TECTB: variants seen among roughly 807,000 people sequenced by gnomAD.
TECTB encodes beta-tectorin.
Under a neutral mutation model 43.3 loss-of-function variants are expected in TECTB, and 45 were observed. That is an observed-to-expected ratio of 1.04 (90% CI 0.82 to 1.33). The LOEUF is 1.33. Ranked by LOEUF, TECTB falls within the 40% of genes most tolerant of loss-of-function variation. The pLI is 0.00. For missense variants in TECTB, 399 were observed against 404.7 expected, an observed-to-expected ratio of 0.99 and a Z score of 0.12; for synonymous variants, 169 against 156.7, an observed-to-expected ratio of 1.08 and a Z score of -0.59.
rs937761371 is a variant in TECTB, at chr10:112,303,384, T to G, written c.*72T>G. The stretch of plus-strand genomic sequence containing the variant: ...CGAATGACAAACACATTTATTGTGC[T>G]GCCAAAAAGAACAAACAGAAGACCA... On this transcript the variant is annotated 3_prime_UTR_variant, in exon 11 of 11. Coordinates refer to ENST00000646139, the MANE Select transcript of TECTB (RefSeq NM_058222.3). 3 of 1,583,910 alleles carry G rather than the reference T, an allele frequency of 1.9e-6. No homozygotes were observed. In the African/African-American group the frequency reaches 4.0e-5, roughly 21 times the overall value.
intron 5 of TECTB, among the ~76,000 whole-genome samples, chr10:112,287,542 A>G (rs1848464860): frequency 6.6e-6 from 1 of 152,252 alleles, no homozygotes; most frequent in Non-Finnish European, 1.5e-5. Flanking sequence ...GAAACATCGT[A>G]CTACCTCTAA....
chr10:112,293,612 TG>T, intron 5 of TECTB, 125 bp from the exon 6 acceptor site: 1 of 760,858 alleles, frequency 1.3e-6, no homozygotes, highest in South Asian at 1.6e-5. Context: ...GATCACTCTA[TG>T]GTCTCACCTG....
chr10:112,303,366 C>T lies in TECTB; in HGVS notation c.*54C>T, dbSNP rs906223559. 8 of 1,603,592 alleles carry T rather than the reference C, an allele frequency of 5.0e-6. 1 individual carries two copies. In the South Asian group the frequency reaches 8.8e-5, roughly 18 times the overall value. On this transcript the variant is annotated 3_prime_UTR_variant, in exon 11 of 11. Transcript: ENST00000646139. ...ACCCACAATAGTCCTCAGCGAATGA[C>T]AAACACATTTATTGTGCTGCCAAAA...
intron 5 of TECTB, among the ~76,000 whole-genome samples, chr10:112,287,255 T>C (rs1302499488): frequency 6.6e-6 from 1 of 152,200 alleles, no homozygotes; most frequent in African/African-American, 2.4e-5. Context: ...GCTGCCCATG[T>C]TGACATAGAA....
intron 5 of TECTB, among the ~76,000 whole-genome samples, chr10:112,286,826 G>T (rs753429563): frequency 6.6e-6 from 1 of 152,204 alleles, no homozygotes; most frequent in Non-Finnish European, 1.5e-5. Flanking sequence ...GGAGGCTGCA[G>T]CAGAAGAATT....
chr10:112,299,089 T>A (rs1171286121), intron 8 of TECTB, among the ~76,000 whole-genome samples: 1 of 152,084 alleles, frequency 6.6e-6, no homozygotes, highest in Non-Finnish European at 1.5e-5. Flanking sequence ...AGGATAAGTA[T>A]CAATGCCATA....
chr10:112,298,213 G>GA lies in TECTB; in HGVS notation c.819dup (p.Leu274ThrfsTer9), dbSNP rs1461911220. ...GTGAGACGTTCATCTGCGACAGTGA[G>GA]AAACTCTCCTGCCCAGTGGTGAGCT... is the stretch of plus-strand genomic sequence containing the variant. On this transcript the variant is annotated frameshift_variant, in exon 8 of 11. Coordinates refer to ENST00000646139, the MANE Select transcript of TECTB (RefSeq NM_058222.3). LOFTEE classifies it high-confidence loss of function. 4 of 1,614,034 alleles carry GA rather than the reference G, an allele frequency of 2.5e-6. No individual in the cohort carries two copies. The East Asian group carries it at 8.9e-5, about 36-fold the overall frequency.
At position 112,286,117 on chromosome 10, in the gene TECTB, A is replaced by C. The variant is rs1340701576; in HGVS notation, c.314A>C (p.Asp105Ala). 6.2e-7 allele frequency: 1 copy of C among 1,614,024 alleles called. No homozygotes were observed. The highest frequency in any genetic ancestry group is 8.5e-7 in the Non-Finnish European group (1 of 1,179,982). ...TTCTACAGTCACATCGTTTCCAATGACACCACAGTGATTGTAAAAAACCAG... is the reference window on the plus strand; with the variant it reads ...TTCTACAGTCACATCGTTTCCAATGCCACCACAGTGATTGTAAAAAACCAG... The part of the protein sequence containing the change: ...YHFYSHIVSN[D>A]TTVIVKNQPV... Residue 105 changes from aspartate to alanine, a missense_variant, in exon 4 of 11, where the codon GAC (aspartate) becomes GCC (alanine). Coordinates refer to ENST00000646139, the MANE Select transcript of TECTB (RefSeq NM_058222.3).
At chr10:112,299,348 A>G in intron 8 of TECTB, 144 bp from the exon 9 acceptor site, 1 of 677,416 alleles carries the variant, frequency 1.5e-6, no homozygotes, top group South Asian at 1.9e-5. Flanking sequence ...TTAAAAAGGT[A>G]ACTCATCTCT....
chr10:112,287,850 G>T (rs1848467471), intron 5 of TECTB, among the ~76,000 whole-genome samples: 1 of 152,186 alleles, frequency 6.6e-6, no homozygotes, highest in African/African-American at 2.4e-5. Flanking sequence ...ATTGAAAAAT[G>T]TGATTCTTTT....
At chr10:112,289,046 T>C (rs1435250105) in intron 5 of TECTB, among the ~76,000 whole-genome samples, 1 of 152,202 alleles carries the variant, frequency 6.6e-6, no homozygotes, top group Non-Finnish European at 1.5e-5. Context: ...TGGGCTTCTA[T>C]CTCTGCATTT....
chr10:112,289,244 T>C (rs996467910), intron 5 of TECTB, among the ~76,000 whole-genome samples: 1 of 152,240 alleles, frequency 6.6e-6, no homozygotes, highest in African/African-American at 2.4e-5. Flanking sequence ...TTGTTAACTT[T>C]ATAAGGCTGA....
intron 8 of TECTB, among the ~76,000 whole-genome samples, chr10:112,298,438 C>G (rs1279171901): frequency 2.0e-5 from 3 of 152,230 alleles, no homozygotes; most frequent in African/African-American, 7.2e-5. Flanking sequence ...CCCACATGGT[C>G]TGGCATGTGT....
chr10:112,301,196 G>A (rs553514412), intron 9 of TECTB, among the ~76,000 whole-genome samples: 1 of 152,202 alleles, frequency 6.6e-6, no homozygotes, highest in African/African-American at 2.4e-5. Flanking sequence ...GCCAAGGCGG[G>A]CAGATCACCT....
chr10:112,296,399 T>C (rs1016344531), intron 7 of TECTB, among the ~76,000 whole-genome samples: 6 of 152,152 alleles, frequency 3.9e-5, no homozygotes, highest in Non-Finnish European at 1.5e-5. Flanking sequence ...GAAGCAGCAG[T>C]GCCAAGGCAT....
intron 5 of TECTB, among the ~76,000 whole-genome samples, chr10:112,288,282 A>G (rs568799871): frequency 1.3e-5 from 2 of 152,208 alleles, no homozygotes; most frequent in Non-Finnish European, 2.9e-5. Flanking sequence ...CGTAGAGCTG[A>G]GCTTCAGGCA....
At chr10:112,292,791 C>T (rs75279365) in intron 5 of TECTB, among the ~76,000 whole-genome samples, 6,279 of 152,168 alleles carry the variant, frequency 0.041, 191 homozygotes, top group Non-Finnish European at 0.063. Context: ...AACCTCACCC[C>T]CACCCCGCTC....
chr10:112,293,555 T>A (rs1848518135), intron 5 of TECTB, among the ~76,000 whole-genome samples, 183 bp from the exon 6 acceptor site: 1 of 152,236 alleles, frequency 6.6e-6, no homozygotes, highest in South Asian at 2.1e-4. Flanking sequence ...TCATCCCTTC[T>A]AAGATGGCAT....
chr10:112,292,990 C>G (rs1013747460), intron 5 of TECTB, among the ~76,000 whole-genome samples: 1 of 152,206 alleles, frequency 6.6e-6, no homozygotes, highest in Non-Finnish European at 1.5e-5. Flanking sequence ...GAGGCCTCCC[C>G]AACCACTGTA....
Sources: gnomAD v4.1 joint callset for allele counts (sites outside exome capture counted in the v4.1 genomes callset) on GRCh38, gnomAD v4.1.1 for gene constraint, MANE v1.5 for transcripts, NCBI Gene and HGNC (gene_info 2026-07-23, HGNC 2026-07-21) for gene names.